The following CCBE1 variants were observed in gnomAD, a reference collection of about 807,000 sequenced individuals.
The protein encoded by CCBE1 is collagen and calcium binding EGF domains 1, also known as collagen and calcium-binding EGF domain-containing protein 1.
A neutral mutation model predicts 50.0 loss-of-function variants in CCBE1; 37 were observed. The observed-to-expected ratio is 0.74, with a 90% CI of 0.57 to 0.97. CCBE1 has a LOEUF of 0.97. Ranked by LOEUF, CCBE1 falls within the 50% of genes least tolerant of loss-of-function variation. CCBE1 has a pLI of 0.00. For missense variants in CCBE1, 538 were observed against 523.8 expected (o/e 1.03, Z -0.26); for synonymous variants, 234 against 203.7 (o/e 1.15, Z -1.27).
intron 2 of CCBE1, among the ~76,000 whole-genome samples, chr18:59,643,441 C>T (rs2054016153): frequency 6.6e-6 from 1 of 152,124 alleles, no homozygotes; most frequent in African/African-American, 2.4e-5. Flanking sequence ...ATGTGCAGGT[C>T]CTAACATCTG....
At chr18:59,605,605 G>A (rs1198095539) in intron 2 of CCBE1, among the ~76,000 whole-genome samples, 2 of 152,100 alleles carry the variant, frequency 1.3e-5, no homozygotes, top group Admixed American at 1.3e-4. Context: ...AGCTTTGCTG[G>A]AAAACCAGGG....
intron 2 of CCBE1, among the ~76,000 whole-genome samples, chr18:59,601,449 G>A (rs1175041544): frequency 6.6e-6 from 1 of 152,076 alleles, no homozygotes; most frequent in Admixed American, 6.5e-5. Flanking sequence ...ACGTGCCTTT[G>A]CTCCTCCTTC....
At chr18:59,697,627 G>A, upstream of CCBE1, 1 of 431,482 alleles carries the variant, frequency 2.3e-6, no homozygotes, top group Non-Finnish European at 4.2e-6. Flanking sequence ...TGTCTCGTCG[G>A]GACGTTCACG....
At chr18:59,672,004 T>C (rs1421272924) in intron 2 of CCBE1, among the ~76,000 whole-genome samples, 1 of 152,146 alleles carries the variant, frequency 6.6e-6, no homozygotes, top group African/African-American at 2.4e-5. Flanking sequence ...GATCAAGGAC[T>C]TCAGCCATGG....
intron 2 of CCBE1, among the ~76,000 whole-genome samples, chr18:59,669,259 T>C (rs1003884114): frequency 6.6e-6 from 1 of 152,164 alleles, no homozygotes; most frequent in Non-Finnish European, 1.5e-5. Context: ...CAGATATTGT[T>C]TATAAACATT....
chr18:59,451,433 T>TAAAAA (rs34421089), intron 6 of CCBE1, among the ~76,000 whole-genome samples: 19 of 99,348 alleles, frequency 1.9e-4, no homozygotes, highest in African/African-American at 7.4e-4. Context: ...ACAAGCAACT[T>TAAAAA]AAAAAAAAAA....
At chr18:59,458,691 G>A (rs1911321497) in intron 5 of CCBE1, among the ~76,000 whole-genome samples, 1 of 152,218 alleles carries the variant, frequency 6.6e-6, no homozygotes, top group Non-Finnish European at 1.5e-5. Flanking sequence ...TTTTGGAGGA[G>A]TGGGTGCACG....
In CCBE1 at chr18:59,667,071, T is replaced by C. The variant is rs145245998; in HGVS notation, c.212+29558A>G. On this transcript the variant is annotated intron_variant, in intron 2 of 10. Coordinates refer to ENST00000439986, the MANE Select transcript of CCBE1 (RefSeq NM_133459.4). ...GGAGGATTGCTTGAGGCCAGGAGTT[T>C]GAGACCAGCCTGGGCAACATAGTGA... Among the ~76,000 whole-genome samples, 518 of 151,956 alleles carry C rather than the reference T, an allele frequency of 3.4e-3. 2 individuals carry two copies. The highest frequency in any genetic ancestry group is 0.012 in the African/African-American group (498 of 41,422).
At chr18:59,469,665 C>T (rs1333359740) in intron 3 of CCBE1, 58 bp from the exon 4 acceptor site, 1 of 1,611,358 alleles carries the variant, frequency 6.2e-7, no homozygotes, top group Non-Finnish European at 8.5e-7. Context: ...GTAACCTGGC[C>T]CTGGCCTGGA....
chr18:59,696,649 G>T lies in CCBE1; in HGVS notation c.192C>A (p.Gly64=), dbSNP rs1375453837. The change falls in exon 2 of 11, where the codon GGC becomes GGA. Residue 64 remains glycine (G), a synonymous_variant. Coordinates refer to ENST00000439986, the MANE Select transcript of CCBE1 (RefSeq NM_133459.4). ...TTKYPCLKSS[G]ELTTCYRKKC... is the part of the protein sequence containing the mutation. ...CTTACCTGTAGCATGTGGTGAGCTCGCCTGAAGACTTCAGACACGGGTATT... is the reference window on the plus strand; with the variant it reads ...CTTACCTGTAGCATGTGGTGAGCTCTCCTGAAGACTTCAGACACGGGTATT... 1.2e-6 allele frequency: 2 copies of T among 1,614,022 alleles called. No individual in the cohort carries two copies. The highest frequency in any genetic ancestry group is 1.7e-5 in the Admixed American group (1 of 60,026).
chr18:59,520,573 G>T (rs980924519), intron 2 of CCBE1, among the ~76,000 whole-genome samples: 1 of 152,246 alleles, frequency 6.6e-6, no homozygotes, highest in Non-Finnish European at 1.5e-5. Flanking sequence ...TATGCATACA[G>T]GAAAAGGAAA....
intron 2 of CCBE1, among the ~76,000 whole-genome samples, chr18:59,539,669 T>C (rs1183551274): frequency 6.6e-6 from 1 of 152,250 alleles, no homozygotes. Context: ...AACATCATCA[T>C]GATTCTCTAA....
intron 2 of CCBE1, among the ~76,000 whole-genome samples, chr18:59,520,315 G>A (rs1454805731): frequency 6.6e-6 from 1 of 152,182 alleles, no homozygotes; most frequent in East Asian, 1.9e-4. Context: ...AGGATGGAAT[G>A]TTTTTCCATT....
chr18:59,601,182 A>G (rs963653284), intron 2 of CCBE1, among the ~76,000 whole-genome samples: 1 of 151,664 alleles, frequency 6.6e-6, no homozygotes, highest in Non-Finnish European at 1.5e-5. Context: ...GAGGCGCACA[A>G]CACCATGCCC....
In CCBE1 at chr18:59,469,616, G is replaced by A; in HGVS notation, c.266-9C>T. 6.2e-7 allele frequency: 1 copy of A among 1,614,020 alleles called. No individual in the cohort carries two copies. Among genetic ancestry groups the A allele is most frequent in the Non-Finnish European group, 8.5e-7 (1 of 1,180,024 alleles). Reference sequence around the variant, plus strand: ...GGCACAAACGTCGTAATCTGAAAAAGCAAAGTGAGAGCTCACATCAACTAC... The same window carrying A: ...GGCACAAACGTCGTAATCTGAAAAAACAAAGTGAGAGCTCACATCAACTAC... On this transcript the variant is annotated splice_polypyrimidine_tract_variant and intron_variant, in intron 3 of 10. Coordinates refer to ENST00000439986, the MANE Select transcript of CCBE1 (RefSeq NM_133459.4).
chr18:59,562,390 A>G (rs547600899), intron 2 of CCBE1, among the ~76,000 whole-genome samples: 57 of 152,330 alleles, frequency 3.7e-4, no homozygotes, highest in Middle Eastern at 3.4e-3. Context: ...CACCACAGAC[A>G]AACTGGTACA....
intron 2 of CCBE1, among the ~76,000 whole-genome samples, chr18:59,510,244 T>A (rs1914072880): frequency 2.0e-5 from 3 of 152,220 alleles, no homozygotes. Context: ...CATATTTCAC[T>A]GTGTGCATGA....
intron 2 of CCBE1, among the ~76,000 whole-genome samples, chr18:59,554,729 G>T (rs2052631717): frequency 6.6e-6 from 1 of 152,198 alleles, no homozygotes; most frequent in African/African-American, 2.4e-5. Context: ...TTACATGAGA[G>T]ATTTTATGTG....
At chr18:59,588,078 T>C (rs2053203509) in intron 2 of CCBE1, among the ~76,000 whole-genome samples, 1 of 152,248 alleles carries the variant, frequency 6.6e-6, no homozygotes, top group Non-Finnish European at 1.5e-5. Flanking sequence ...AATAAAATCC[T>C]AATAGATTGT....
Sources: gnomAD v4.1 joint callset for allele counts (sites outside exome capture counted in the v4.1 genomes callset) on GRCh38, gnomAD v4.1.1 for gene constraint, MANE v1.5 for transcripts, NCBI Gene and HGNC (gene_info 2026-07-23, HGNC 2026-07-21) for gene names.